Variants in SV2A observed in about 807,000 individuals in gnomAD.
The protein encoded by SV2A is synaptic vesicle glycoprotein 2A.
Under a neutral mutation model 78.0 loss-of-function variants are expected in SV2A, and 25 were observed. The ratio of observed to expected loss-of-function variants is 0.32; its 90% CI spans 0.23 to 0.45. The LOEUF is 0.45. Ranked by LOEUF, SV2A falls within the 20% of genes least tolerant of loss-of-function variation. SV2A has a pLI of 1.00. For synonymous variants in SV2A, 355 were observed against 384.7 expected, an observed-to-expected ratio of 0.92 and a Z score of 0.90; for missense variants, 752 against 971.5, an observed-to-expected ratio of 0.77 and a Z score of 3.00.
intron 1 of SV2A, among the ~76,000 whole-genome samples, chr1:149,917,411 G>A (rs1211706738): frequency 6.6e-6 from 1 of 152,110 alleles, no homozygotes; most frequent in Non-Finnish European, 1.5e-5. Context: ...AGGAGTTTGA[G>A]GGAACCTCAT....
At chr1:149,908,010 G>A in intron 9 of SV2A, 32 bp downstream of exon 9, 1 of 1,608,224 alleles carries the variant, frequency 6.2e-7, no homozygotes, top group South Asian at 1.1e-5. Context: ...GAAGGAACAG[G>A]GAAGAAGTGA....
intron 1 of SV2A, among the ~76,000 whole-genome samples, chr1:149,917,180 G>T (rs587639040): frequency 5.3e-5 from 7 of 132,538 alleles, no homozygotes; most frequent in Admixed American, 1.5e-4. Flanking sequence ...GCCAGCCCCC[G>T]CCATCCATGC....
rs587611211 is a variant in SV2A at position 149,910,644 on chromosome 1, C to A, written c.1015G>T (p.Val339Phe). ...GCAAACACAGAAGGAAAGGCGCAGA[C>A]GAGGACGAAGACCCTCCAGCTGTGG... ...QFHSWRVFVL[V>F]CAFPSVFAIG... is the part of the protein sequence containing the mutation. The change falls in exon 5 of 13, where the codon GTC becomes TTC. Residue 339 changes from valine (V) to phenylalanine (F), a missense_variant. By Grantham distance (50) the Val-to-Phe change is conservative. Coordinates refer to ENST00000369146, the MANE Select transcript of SV2A (RefSeq NM_014849.5). This position sits in a 1 kb window ranked among gnomAD's most constrained non-coding sequence, Gnocchi z 4.2. The A allele has an allele frequency of 6.2e-7, 1 of 1,613,786 alleles. No individual in the cohort carries two copies. Among genetic ancestry groups the A allele is most frequent in the South Asian group, 1.1e-5 (1 of 91,014 alleles).
At chr1:149,906,596 C>T in intron 11 of SV2A, 54 bp downstream of exon 11, 1 of 1,587,860 alleles carries the variant, frequency 6.3e-7, no homozygotes, top group Admixed American at 1.7e-5. Context: ...TGTTGACTGC[C>T]TCCCGCAGCC....
At position 149,909,588 on chromosome 1, in the gene SV2A, G is replaced by T; in HGVS notation, c.1180-17C>A. The T allele has an allele frequency of 1.2e-6, 2 of 1,607,180 alleles. No individual in the cohort carries two copies. Among genetic ancestry groups the T allele is most frequent in the African/African-American group, 2.7e-5 (2 of 74,888 alleles). On this transcript the variant is annotated splice_polypyrimidine_tract_variant and intron_variant, in intron 6 of 12. Transcript: ENST00000369146. ...GTGGGTTACCTGGGGTCAAGAGAAG[G>T]GGTGGGCAGTCACACACTCTGTGTT...
chr1:149,917,437 C>T (rs1355742588), intron 1 of SV2A, among the ~76,000 whole-genome samples: 1 of 152,170 alleles, frequency 6.6e-6, no homozygotes, highest in African/African-American at 2.4e-5. Flanking sequence ...CTCACAACCC[C>T]ACCACCACGT....
chr1:149,916,119 T>G (rs1553764512), intron 1 of SV2A, among the ~76,000 whole-genome samples: 1 of 152,108 alleles, frequency 6.6e-6, no homozygotes, highest in Non-Finnish European at 1.5e-5. Context: ...CGGAATCCCC[T>G]CAGCGCATGG....
chr1:149,906,842 T>C lies in SV2A; in HGVS notation c.1693A>G (p.Lys565Glu). 2 of 1,614,208 alleles carry C rather than the reference T, an allele frequency of 1.2e-6. No individual in the cohort carries two copies. Among genetic ancestry groups the C allele is most frequent in the South Asian group, 2.2e-5 (2 of 91,080 alleles). The change falls in exon 11 of 13, where the codon AAG becomes GAG. Residue 565 changes from lysine (K) to glutamate (E), a missense_variant. Around this residue, in one of 7 missense-constraint regions of SV2A, gnomAD observed 186 missense variants for 274.6 expected, o/e 0.68. Coordinates refer to ENST00000369146, the MANE Select transcript of SV2A (RefSeq NM_014849.5). Reference sequence around the variant, plus strand: ...TTTATCAGACGGCTGTTCACAAACTTGTACTCGAACAGGTCTGTGGGCAAA... The same window carrying C: ...TTTATCAGACGGCTGTTCACAAACTCGTACTCGAACAGGTCTGTGGGCAAA... The part of the protein sequence containing the change: ...VFYNTDLFEY[K>E]FVNSRLINST...
intron 1 of SV2A, among the ~76,000 whole-genome samples, chr1:149,914,683 A>AT (rs1270674633): frequency 1.6e-4 from 25 of 151,994 alleles, no homozygotes; most frequent in African/African-American, 6.0e-4. Flanking sequence ...ACAAGGAGGG[A>AT]TTTTCTCTCA....
chr1:149,907,899 T>C, intron 9 of SV2A, 66 bp from the exon 10 acceptor site: 1 of 1,585,270 alleles, frequency 6.3e-7, no homozygotes. Context: ...GACTCACTCT[T>C]TAGCGAAGTA....
At chr1:149,915,104 G>C (rs1385850806) in intron 1 of SV2A, among the ~76,000 whole-genome samples, 1 of 152,154 alleles carries the variant, frequency 6.6e-6, no homozygotes, top group African/African-American at 2.4e-5. Flanking sequence ...ATCTCAGTCA[G>C]GGTAGTTAAC....
chr1:149,908,277 A>G lies in SV2A; in HGVS notation c.1380-71T>C, dbSNP rs2092452266. 25 of 1,543,314 alleles carry G rather than the reference A, an allele frequency of 1.6e-5. 1 individual carries two copies. The South Asian group carries it at 2.7e-4, about 17-fold the overall frequency. On this transcript the variant is annotated intron_variant, in intron 8 of 12. Coordinates refer to ENST00000369146, the MANE Select transcript of SV2A (RefSeq NM_014849.5). ...AGGCTCAGAGATTAGAATCAGGCAG[A>G]GGAGAAAACGGAAATGTGTATCATC...
intron 1 of SV2A, among the ~76,000 whole-genome samples, chr1:149,914,451 C>A (rs1425682282): frequency 6.6e-6 from 1 of 151,716 alleles, no homozygotes; most frequent in Non-Finnish European, 1.5e-5. Flanking sequence ...CCCAAACCCA[C>A]CCCAGCCCTT....
chr1:149,910,858 G>A lies in SV2A; in HGVS notation c.923C>T (p.Ala308Val). The A allele has an allele frequency of 6.2e-7, 1 of 1,614,238 alleles. No homozygotes were observed. Among genetic ancestry groups the A allele is most frequent in the Non-Finnish European group, 8.5e-7 (1 of 1,180,044 alleles). ...GGGGATGATGGCCCAGGCCATAGCAGCTGCGTACACGCCACCAATCATCCA... is the reference window on the plus strand; with the variant it reads ...GGGGATGATGGCCCAGGCCATAGCAACTGCGTACACGCCACCAATCATCCA... ...MFWMIGGVYAAAMAWAIIPHY... is the reference protein window; with the variant it reads ...MFWMIGGVYAVAMAWAIIPHY... The change falls in exon 4 of 13, where the codon GCT (alanine) becomes GTT (valine). Residue 308 changes from alanine to valine, a missense_variant. Around this residue, in one of 7 missense-constraint regions of SV2A, gnomAD observed 43 missense variants for 70.8 expected, o/e 0.61. Coordinates refer to ENST00000369146, the MANE Select transcript of SV2A (RefSeq NM_014849.5). This position sits in a 1 kb window ranked among gnomAD's most constrained non-coding sequence, Gnocchi z 4.2.
In SV2A at chr1:149,913,707, GATCTTCGGGAAT is replaced by G. The variant is rs1409025911; in HGVS notation, c.122_133del (p.Tyr41_Arg44del). ...ATCCTCCTCCTCAAAGCGGGAGTACGATCTTCGGGAATATTCGTCCTGGACTCTGTCCAGGCC... is the reference window on the plus strand; with the variant it reads ...ATCCTCCTCCTCAAAGCGGGAGTACGATTCGTCCTGGACTCTGTCCAGGCC... On this transcript the variant is annotated inframe_deletion, in exon 2 of 13. Transcript: ENST00000369146. 6.2e-6 allele frequency: 10 copies of G among 1,613,958 alleles called. No homozygotes were observed. The highest frequency in any genetic ancestry group is 8.5e-6 in the Non-Finnish European group (10 of 1,180,022).
Position 149,910,323 on chromosome 1 carries a change from G to A in SV2A, c.1089+247C>T, listed in dbSNP as rs2092467623. Reference sequence around the variant, plus strand: ...CAGGACAGGGCCAAGGCCCTTCCCTGCAAAATCTTAAGTCATCCATGGGTA... The same window carrying A: ...CAGGACAGGGCCAAGGCCCTTCCCTACAAAATCTTAAGTCATCCATGGGTA... On this transcript the variant is annotated intron_variant, in intron 5 of 12. Transcript: ENST00000369146. This position sits in a 1 kb window ranked among gnomAD's most constrained non-coding sequence, Gnocchi z 4.2. Among the ~76,000 whole-genome samples the A allele has an allele frequency of 6.6e-6, 1 of 152,200 alleles. No individual in the cohort carries two copies. Among genetic ancestry groups the A allele is most frequent in the African/African-American group, 2.4e-5 (1 of 41,436 alleles).
At position 149,910,685 on chromosome 1, in the gene SV2A, C is replaced by G. The variant is rs781954818; in HGVS notation, c.974G>C (p.Gly325Ala). The change falls in exon 5 of 13, where the codon GGT (glycine) becomes GCT (alanine). Residue 325 changes from glycine to alanine, a missense_variant. Physicochemically the swap from Gly to Ala is moderately conservative, Grantham distance 60. Around this residue, in one of 7 missense-constraint regions of SV2A, gnomAD observed 43 missense variants for 70.8 expected, o/e 0.61. Transcript: ENST00000369146. This position sits in a 1 kb window ranked among gnomAD's most constrained non-coding sequence, Gnocchi z 4.2. ...IPHYGWSFQM[G>A]SAYQFHSWRV... is the part of the protein sequence containing the mutation. Reference sequence around the variant, plus strand: ...CCAGCTGTGGAACTGGTAGGCAGAACCCATCTGAAAACTCCACCCTGGTAG... The same window carrying G: ...CCAGCTGTGGAACTGGTAGGCAGAAGCCATCTGAAAACTCCACCCTGGTAG... 6.2e-7 allele frequency: 1 copy of G among 1,613,986 alleles called. No individual in the cohort carries two copies. The highest frequency in any genetic ancestry group is 8.5e-7 in the Non-Finnish European group (1 of 1,179,936).
chr1:149,912,258 T>C (rs779379693), intron 2 of SV2A, among the ~76,000 whole-genome samples: 15 of 152,138 alleles, frequency 9.9e-5, no homozygotes, highest in Middle Eastern at 3.2e-3. Context: ...ACACACACAG[T>C]GACACCTTTA....
In SV2A at chr1:149,910,696, A is replaced by C. The variant is rs2092470264; in HGVS notation, c.963T>G (p.Ser321Arg). 1.2e-6 allele frequency: 2 copies of C among 1,613,444 alleles called. No homozygotes were observed. The highest frequency in any genetic ancestry group is 3.3e-5 in the Admixed American group (2 of 59,900). ...AWAIIPHYGW[S>R]FQMGSAYQFH... ...ACTGGTAGGCAGAACCCATCTGAAA[A>C]CTCCACCCTGGTAGGGAGAAAGTGA... is the stretch of plus-strand genomic sequence containing the variant. The change falls in exon 5 of 13, where the codon AGT becomes AGG. Residue 321 changes from serine (S) to arginine (R), a missense_variant. Physicochemically the swap from Ser to Arg is moderately radical, Grantham distance 110. This residue lies in a region of SV2A where 43 missense variants were observed against 70.8 expected (regional missense o/e 0.61). Transcript: ENST00000369146. The surrounding 1 kb of genome is among the most constrained non-coding windows in gnomAD (Gnocchi z 4.2).
Sources: gnomAD v4.1 joint callset for allele counts (sites outside exome capture counted in the v4.1 genomes callset) on GRCh38, gnomAD v4.1.1 for gene constraint, gnomAD v4.1.1 regional missense constraint, Gnocchi (gnomAD v3.1) non-coding constraint, MANE v1.5 for transcripts, NCBI Gene and HGNC (gene_info 2026-07-23, HGNC 2026-07-21) for gene names.